OSMR: variants seen among roughly 807,000 people sequenced by gnomAD.
OSMR encodes oncostatin-M-specific receptor subunit beta.
OSMR carries 81 observed loss-of-function variants against 99.9 expected under a neutral mutation model. The observed-to-expected ratio is 0.81, with a 90% CI of 0.68 to 0.97. The LOEUF is 0.97. Ranked by LOEUF, OSMR falls within the 50% of genes least tolerant of loss-of-function variation. OSMR has a pLI of 0.00. For synonymous variants in OSMR, 406 were observed against 410.4 expected, an observed-to-expected ratio of 0.99 and a Z score of 0.13; for missense variants, 1,099 against 1,153.4, an observed-to-expected ratio of 0.95 and a Z score of 0.68.
intron 7 of OSMR, among the ~76,000 whole-genome samples, chr5:38,903,471 C>A (rs1745023604): frequency 6.6e-6 from 1 of 152,220 alleles, no homozygotes; most frequent in South Asian, 2.1e-4. Context: ...TGGCCAATCC[C>A]CCTCTCATCT....
intron 2 of OSMR, among the ~76,000 whole-genome samples, chr5:38,871,767 T>G (rs1190234275): frequency 6.6e-6 from 1 of 152,252 alleles, no homozygotes; most frequent in Non-Finnish European, 1.5e-5. Flanking sequence ...TCAGGATTTT[T>G]TTATTACTTA....
At position 38,926,193 on chromosome 5, in the gene OSMR, A is replaced by C. The variant is rs191918719; in HGVS notation, c.2212+822A>C. ...GCACCCATGAAAAGCAAATAGATTCAAAAGGCTTGCCTGAAGTTACCAACT... is the reference window on the plus strand; with the variant it reads ...GCACCCATGAAAAGCAAATAGATTCCAAAGGCTTGCCTGAAGTTACCAACT... On this transcript the variant is annotated intron_variant, in intron 15 of 17. Transcript: ENST00000274276. 1.6e-3 allele frequency among the ~76,000 whole-genome samples: 237 copies of C among 152,330 alleles called. 1 individual carries two copies. Among genetic ancestry groups the C allele is most frequent in the African/African-American group, 5.7e-3 (235 of 41,584 alleles).
At chr5:38,914,690 G>A (rs1745798429) in intron 9 of OSMR, among the ~76,000 whole-genome samples, 2 of 152,172 alleles carry the variant, frequency 1.3e-5, no homozygotes, top group Admixed American at 6.5e-5. Flanking sequence ...CAGCAACATG[G>A]ATGTAGCTGG....
At chr5:38,884,451 T>G (rs1437098981) in intron 5 of OSMR, among the ~76,000 whole-genome samples, 2 of 152,200 alleles carry the variant, frequency 1.3e-5, no homozygotes, top group Non-Finnish European at 2.9e-5. Flanking sequence ...AGCTACAGAT[T>G]GGACAACCAT....
intron 1 of OSMR, among the ~76,000 whole-genome samples, chr5:38,860,329 T>C (rs1282680774): frequency 6.6e-6 from 1 of 152,218 alleles, no homozygotes; most frequent in Non-Finnish European, 1.5e-5. Flanking sequence ...GATGAACATA[T>C]GGTTTTTGTC....
intron 1 of OSMR, among the ~76,000 whole-genome samples, chr5:38,858,369 T>G (rs1741024630): frequency 6.6e-6 from 1 of 152,090 alleles, no homozygotes; most frequent in Admixed American, 6.5e-5. Context: ...GTGATATTTT[T>G]CTTTCTGTGC....
chr5:38,873,213 T>G (rs1312750503), intron 2 of OSMR, among the ~76,000 whole-genome samples: 1 of 152,220 alleles, frequency 6.6e-6, no homozygotes, highest in Non-Finnish European at 1.5e-5. Flanking sequence ...GTATCTGGCT[T>G]CTTTCACTTA....
intron 1 of OSMR, among the ~76,000 whole-genome samples, chr5:38,862,775 A>G (rs1741566351): frequency 6.6e-6 from 1 of 152,238 alleles, no homozygotes; most frequent in Non-Finnish European, 1.5e-5. Context: ...GGCCGGGCAG[A>G]GGCTGCAATC....
Position 38,921,794 on chromosome 5 carries a change from G to A in OSMR, c.1765G>A (p.Asp589Asn). 1.2e-6 allele frequency: 2 copies of A among 1,612,610 alleles called. No individual in the cohort carries two copies. Among genetic ancestry groups the A allele is most frequent in the East Asian group, 2.2e-5 (1 of 44,866 alleles). The change falls in exon 12 of 18, where the codon GAT (aspartate) becomes AAT (asparagine). Residue 589 changes from aspartate (D) to asparagine (N), a missense_variant and splice_region_variant. Transcript: ENST00000274276. Reference protein sequence around the residue: ...PNTTSTVISTDAFRPGVRYDF... With the variant: ...PNTTSTVISTNAFRPGVRYDF... ...TACCACAAGCACAGTCATTAGCACA[G>A]GTAAGAAGAAGCTTCCATATCATCG...
chr5:38,886,193 G>A lies in OSMR; in HGVS notation c.991+3G>A, dbSNP rs1455661482. 6.2e-7 allele frequency: 1 copy of A among 1,613,972 alleles called. No homozygotes were observed. Among genetic ancestry groups the A allele is most frequent in the Non-Finnish European group, 8.5e-7 (1 of 1,179,972 alleles). The stretch of plus-strand genomic sequence containing the variant: ...CCTTTTTAACCTGACTCATCGAGGT[G>A]AGACTAGAGTTGTCACAGCCCACCG... On this transcript the variant is annotated splice_donor_region_variant and intron_variant, in intron 7 of 17. Coordinates refer to ENST00000274276, the MANE Select transcript of OSMR (RefSeq NM_003999.3).
intron 1 of OSMR, among the ~76,000 whole-genome samples, chr5:38,851,510 G>A (rs556892573): frequency 3.3e-5 from 5 of 152,248 alleles, no homozygotes; most frequent in Admixed American, 1.3e-4. Context: ...GAAGGAAGGT[G>A]GGAAGGAGTT....
At chr5:38,884,491 C>G (rs746018089) in intron 5 of OSMR, among the ~76,000 whole-genome samples, 1 of 152,112 alleles carries the variant, frequency 6.6e-6, no homozygotes, top group African/African-American at 2.4e-5. Context: ...GCCTAGGAGA[C>G]CTGGGTTTGA....
intron 1 of OSMR, among the ~76,000 whole-genome samples, chr5:38,855,040 C>A (rs1740733046): frequency 6.6e-6 from 1 of 152,116 alleles, no homozygotes; most frequent in African/African-American, 2.4e-5. Context: ...GAGGAGACAC[C>A]ACCAAGGTTG....
chr5:38,897,373 T>G (rs751439444), intron 7 of OSMR, among the ~76,000 whole-genome samples: 21 of 152,088 alleles, frequency 1.4e-4, no homozygotes, highest in Admixed American at 5.9e-4. Flanking sequence ...GGTTCAATAT[T>G]CTTAGATTTA....
chr5:38,905,132 A>G (rs184114931), intron 9 of OSMR, among the ~76,000 whole-genome samples: 2 of 152,274 alleles, frequency 1.3e-5, no homozygotes, highest in East Asian at 1.9e-4. Context: ...CATTTTACAG[A>G]TGAGGCAACT....
chr5:38,857,210 A>G (rs1238817016), intron 1 of OSMR, among the ~76,000 whole-genome samples: 1 of 152,222 alleles, frequency 6.6e-6, no homozygotes, highest in Non-Finnish European at 1.5e-5. Flanking sequence ...GTCCTTTTTA[A>G]AAAACATTTG....
At chr5:38,871,844 T>TATTTTTA (rs1369795228) in intron 2 of OSMR, among the ~76,000 whole-genome samples, 1 of 152,240 alleles carries the variant, frequency 6.6e-6, no homozygotes, top group African/African-American at 2.4e-5. Context: ...GAAACAACAT[T>TATTTTTA]ATTTTTAATT....
chr5:38,929,197 A>G (rs1023838998), intron 15 of OSMR, among the ~76,000 whole-genome samples: 11 of 152,322 alleles, frequency 7.2e-5, no homozygotes, highest in South Asian at 2.1e-4. Flanking sequence ...TAAACAGTAA[A>G]AACAAACAAG....
Position 38,923,137 on chromosome 5 carries a change from T to A in OSMR, c.1766-13T>A. 6.2e-7 allele frequency: 1 copy of A among 1,610,304 alleles called. No homozygotes were observed. On this transcript the variant is annotated splice_polypyrimidine_tract_variant and intron_variant, in intron 12 of 17. Transcript: ENST00000274276. The stretch of plus-strand genomic sequence containing the variant: ...ATTCTGTTATTAAAAATCTGTTGAC[T>A]TTTTTTCCCTAGATGCTTTTAGGCC...
Sources: gnomAD v4.1 joint callset for allele counts (sites outside exome capture counted in the v4.1 genomes callset) on GRCh38, gnomAD v4.1.1 for gene constraint, MANE v1.5 for transcripts, NCBI Gene and HGNC (gene_info 2026-07-23, HGNC 2026-07-21) for gene names.